Variants in IL1RAPL2 observed in about 807,000 individuals in gnomAD.
The protein encoded by IL1RAPL2 is interleukin 1 receptor accessory protein like 2, also known as X-linked interleukin-1 receptor accessory protein-like 2.
Under a neutral mutation model 44.1 loss-of-function variants are expected in IL1RAPL2, and 3 were observed. That is an observed-to-expected ratio of 0.07 (90% CI 0.03 to 0.18). IL1RAPL2 has a LOEUF of 0.18. Among genes scored for constraint, IL1RAPL2 ranks in the 10% least tolerant of loss-of-function variants. IL1RAPL2 has a pLI of 1.00. For synonymous variants in IL1RAPL2, 181 were observed against 178.8 expected (o/e 1.01, Z -0.10); for missense variants, 391 against 496.4 (o/e 0.79, Z 2.02).
chrX:105,019,892 G>A (rs1476550038), intron 2 of IL1RAPL2, among the ~76,000 whole-genome samples: 3 of 111,325 alleles, frequency 2.7e-5, no homozygotes, highest in Admixed American at 1.9e-4. Flanking sequence ...CTGGAGATCA[G>A]GGGAAAGGTC....
At chrX:105,327,698 T>A (rs1309342809) in intron 5 of IL1RAPL2, among the ~76,000 whole-genome samples, 2 of 111,583 alleles carry the variant, frequency 1.8e-5, no homozygotes, top group African/African-American at 3.3e-5. Flanking sequence ...GAAGGCTTCA[T>A]TTCAGATATG....
chrX:105,034,813 T>C lies in IL1RAPL2; in HGVS notation c.83-160662T>C, dbSNP rs1670447259. 9.9e-5 allele frequency among the ~76,000 whole-genome samples: 11 copies of C among 110,592 alleles called. No homozygotes were observed. In the Middle Eastern group the frequency reaches 0.019, roughly 187 times the overall value. On this transcript the variant is annotated intron_variant, in intron 2 of 10. Transcript: ENST00000372582. ...GTCTGCAGAGGTTACTGCTGTCTTTTTGTTTGTCTGTGCCCTGCCCCCAGT... is the reference window on the plus strand; with the variant it reads ...GTCTGCAGAGGTTACTGCTGTCTTTCTGTTTGTCTGTGCCCTGCCCCCAGT...
At chrX:104,800,462 T>TA (rs1218864466) in intron 2 of IL1RAPL2, among the ~76,000 whole-genome samples, 2 of 111,918 alleles carry the variant, frequency 1.8e-5, no homozygotes, top group Non-Finnish European at 3.8e-5. Flanking sequence ...AAGAGATCAG[T>TA]GACACTGTGT....
chrX:104,946,379 C>CAAAAAAAAAAAAAAAAA lies in IL1RAPL2; in HGVS notation c.83-249082_83-249066dup, dbSNP rs1157603029. On this transcript the variant is annotated intron_variant, in intron 2 of 10. Transcript: ENST00000372582. ...TGGGCGACAGAGCAAGACTCCGTCT[C>CAAAAAAAAAAAAAAAAA]AAAAAAAAAAAAAAAAAAAAAAAAA... Among the ~76,000 whole-genome samples the CAAAAAAAAAAAAAAAAA allele has an allele frequency of 9.8e-4, 9 of 9,140 alleles. 3 individuals carry two copies. The highest frequency in any genetic ancestry group is 2.3e-3 in the African/African-American group (4 of 1,745). 7.9% of individuals were successfully genotyped at this position (9,140 alleles called of 115,157 possible).
At chrX:105,745,729 G>A (rs1339191323) in intron 8 of IL1RAPL2, among the ~76,000 whole-genome samples, 1 of 110,866 alleles carries the variant, frequency 9.0e-6, no homozygotes, top group Non-Finnish European at 1.9e-5. Flanking sequence ...TGTTGCCCAG[G>A]CTGAAATGCA....
intron 5 of IL1RAPL2, among the ~76,000 whole-genome samples, chrX:105,377,233 T>A (rs2147721139): frequency 8.9e-6 from 1 of 111,904 alleles, no homozygotes; most frequent in Non-Finnish European, 1.9e-5. Flanking sequence ...AGAGATTTCA[T>A]ATTAGCATAG....
intron 2 of IL1RAPL2, among the ~76,000 whole-genome samples, chrX:104,917,047 C>G (rs1273075267): frequency 3.6e-5 from 4 of 111,778 alleles, no homozygotes; most frequent in African/African-American, 9.7e-5. Context: ...GGTTGTGTCT[C>G]TACCAGGTTT....
Position 105,255,864 on chromosome X carries a change from G to C in IL1RAPL2, c.544-11524G>C, listed in dbSNP as rs749476174. ...GGTATTGATAGTTTTTAACATGAAG[G>C]GGTGTTGAATTTTACCAAAAGCCTT... On this transcript the variant is annotated intron_variant, in intron 4 of 10. Transcript: ENST00000372582. 8.1e-5 allele frequency among the ~76,000 whole-genome samples: 9 copies of C among 111,754 alleles called. 1 individual carries two copies. In the South Asian group the frequency reaches 1.1e-3, roughly 14 times the overall value.
chrX:105,545,946 A>T lies in IL1RAPL2; in HGVS notation c.772+61559A>T, dbSNP rs1203283458. On this transcript the variant is annotated intron_variant, in intron 6 of 10. Coordinates refer to ENST00000372582, the MANE Select transcript of IL1RAPL2 (RefSeq NM_017416.2). ...TTCCAGAGTTATGTTTATCCCAACC[A>T]TGACTGCAGCCTCTAGTTAGTAAAG... Among the ~76,000 whole-genome samples, 22 of 111,554 alleles carry T rather than the reference A, an allele frequency of 2.0e-4. No individual in the cohort carries two copies. In the Admixed American group the frequency reaches 2.1e-3, roughly 11 times the overall value.
At chrX:105,750,847 C>T (rs972673905) in intron 9 of IL1RAPL2, among the ~76,000 whole-genome samples, 3 of 106,053 alleles carry the variant, frequency 2.8e-5, no homozygotes, top group African/African-American at 1.1e-4. Flanking sequence ...AAAATCTTGA[C>T]TTCTTATCTG....
intron 2 of IL1RAPL2, among the ~76,000 whole-genome samples, chrX:104,751,385 G>A (rs1431997177): frequency 9.0e-6 from 1 of 111,587 alleles, no homozygotes; most frequent in Non-Finnish European, 1.9e-5. Flanking sequence ...ATAATTATAA[G>A]TGGGACTAAG....
intron 6 of IL1RAPL2, among the ~76,000 whole-genome samples, chrX:105,540,004 CTAT>C (rs1212549407): frequency 6.3e-5 from 7 of 110,498 alleles, no homozygotes; most frequent in Admixed American, 2.9e-4. Context: ...GTCAGAATGG[CTAT>C]TATTATAGTC....
rs749910976 is a variant in IL1RAPL2 at position 105,767,102 on chromosome X, A to G, written c.1502A>G (p.Glu501Gly). 4 of 1,209,840 alleles carry G rather than the reference A, an allele frequency of 3.3e-6. No individual in the cohort carries two copies. The highest frequency in any genetic ancestry group is 1.7e-5 in the African/African-American group (1 of 57,747). The change falls in exon 11 of 11, where the codon GAA becomes GGA. Residue 501 changes from glutamate to glycine, a missense_variant. By Grantham distance (98) the Glu-to-Gly change is moderately conservative. Coordinates refer to ENST00000372582, the MANE Select transcript of IL1RAPL2 (RefSeq NM_017416.2). ...SRLHNMLVSG[E>G]IKVILIECTE... The stretch of plus-strand genomic sequence containing the variant: ...CTCCATAACATGCTAGTCAGTGGAG[A>G]AATCAAAGTGATTTTGATTGAGTGT...
intron 5 of IL1RAPL2, among the ~76,000 whole-genome samples, chrX:105,285,177 C>G (rs867051994): frequency 1.8e-5 from 2 of 111,651 alleles, no homozygotes; most frequent in African/African-American, 6.6e-5. Context: ...CAATGAAGAT[C>G]TTCTGAGTAT....
chrX:104,778,757 A>G (rs773495392), intron 2 of IL1RAPL2, among the ~76,000 whole-genome samples: 2 of 109,649 alleles, frequency 1.8e-5, no homozygotes, highest in Admixed American at 2.0e-4. Flanking sequence ...ATGGATTTTT[A>G]CTTACTAAGC....
At chrX:104,775,328 A>G (rs755883905) in intron 2 of IL1RAPL2, among the ~76,000 whole-genome samples, 4 of 111,988 alleles carry the variant, frequency 3.6e-5, no homozygotes, top group Non-Finnish European at 7.5e-5. Context: ...ATTAAAACAC[A>G]CAGGGGAGTT....
chrX:104,803,818 A>G (rs1396142526), intron 2 of IL1RAPL2: 2 of 112,273 alleles, frequency 1.8e-5, no homozygotes, highest in African/African-American at 6.5e-5. Context: ...TTTAGCAAGG[A>G]TTACCTAGAC....
intron 6 of IL1RAPL2, among the ~76,000 whole-genome samples, chrX:105,579,765 C>T (rs758967148): frequency 8.9e-6 from 1 of 111,784 alleles, no homozygotes; most frequent in Non-Finnish European, 1.9e-5. Context: ...TCAATTCTGG[C>T]TCTATATAAT....
chrX:104,906,943 T>C (rs1220412245), intron 2 of IL1RAPL2, among the ~76,000 whole-genome samples: 1 of 111,777 alleles, frequency 8.9e-6, no homozygotes, highest in Non-Finnish European at 1.9e-5. Context: ...GGACTCTTTT[T>C]GGTTGGTAAG....
Sources: gnomAD v4.1 joint callset for allele counts (sites outside exome capture counted in the v4.1 genomes callset) on GRCh38, gnomAD v4.1.1 for gene constraint, MANE v1.5 for transcripts, NCBI Gene and HGNC (gene_info 2026-07-23, HGNC 2026-07-21) for gene names.